PITPNC1: variants seen among roughly 807,000 people sequenced by gnomAD.
PITPNC1 encodes the protein phosphatidylinositol transfer protein cytoplasmic 1.
Under a neutral mutation model 44.7 loss-of-function variants are expected in PITPNC1, and 18 were observed. The ratio of observed to expected loss-of-function variants is 0.40; its 90% CI spans 0.28 to 0.60. The LOEUF (loss-of-function observed/expected upper bound fraction) is 0.60. PITPNC1 is among the 20% of genes least tolerant of loss of function. PITPNC1 has a pLI of 0.39. For synonymous variants in PITPNC1, 141 were observed against 149.6 expected (o/e 0.94, Z 0.42); for missense variants, 290 against 418.4 (o/e 0.69, Z 2.68).
In PITPNC1 at chr17:67,676,081, C is replaced by A. The variant is rs1215805784; in HGVS notation, c.682+539C>A. ...AATTAGCCGGGCATGGTGGCAGGCACCTGTAGTCCCAGCTACTCAGGAGGC... is the reference window on the plus strand; with the variant it reads ...AATTAGCCGGGCATGGTGGCAGGCAACTGTAGTCCCAGCTACTCAGGAGGC... On this transcript the variant is annotated intron_variant, in intron 8 of 8. Coordinates refer to ENST00000581322, the MANE Select transcript of PITPNC1 (RefSeq NM_012417.4). The surrounding 1 kb of genome is among the most constrained non-coding windows in gnomAD (Gnocchi z 4.0). Among the ~76,000 whole-genome samples, 1 of 152,074 alleles carries A rather than the reference C, an allele frequency of 6.6e-6. No homozygotes were observed. The highest frequency in any genetic ancestry group is 1.5e-5 in the Non-Finnish European group (1 of 68,026).
chr17:67,612,672 C>CAGAT (rs1287676041), intron 5 of PITPNC1: 1 of 147,352 alleles, frequency 6.8e-6, no homozygotes, highest in South Asian at 2.2e-4. Context: ...GATGGATGGG[C>CAGAT]GGATGGATGG....
intron 6 of PITPNC1, among the ~76,000 whole-genome samples, chr17:67,652,840 T>C (rs1471403400): frequency 6.7e-6 from 1 of 150,298 alleles, no homozygotes; most frequent in Non-Finnish European, 1.5e-5. Flanking sequence ...ACTCATGTTA[T>C]GGGTTTGTGT....
chr17:67,451,871 C>T (rs1179496673), intron 1 of PITPNC1, among the ~76,000 whole-genome samples: 1 of 151,400 alleles, frequency 6.6e-6, no homozygotes, highest in Admixed American at 6.6e-5. Flanking sequence ...CTCCTGACCT[C>T]GTGATCCGCA....
At chr17:67,507,174 T>C (rs1425623726) in intron 1 of PITPNC1, among the ~76,000 whole-genome samples, 1 of 151,972 alleles carries the variant, frequency 6.6e-6, no homozygotes, top group Non-Finnish European at 1.5e-5. Flanking sequence ...GATGAATACA[T>C]AGAAAGAATG....
At chr17:67,497,306 G>A (rs905485318) in intron 1 of PITPNC1, among the ~76,000 whole-genome samples, 6 of 150,178 alleles carry the variant, frequency 4.0e-5, no homozygotes, top group Non-Finnish European at 7.4e-5. Flanking sequence ...TGCAACCTCC[G>A]ATTCCCCAGC....
chr17:67,629,009 G>A (rs1363709460), intron 5 of PITPNC1, among the ~76,000 whole-genome samples: 1 of 152,162 alleles, frequency 6.6e-6, no homozygotes, highest in Non-Finnish European at 1.5e-5. Context: ...AGGCATAAGG[G>A]CGACTTTGGA....
At chr17:67,647,410 C>A (rs894003863) in intron 6 of PITPNC1, among the ~76,000 whole-genome samples, 1 of 151,168 alleles carries the variant, frequency 6.6e-6, no homozygotes, top group African/African-American at 2.4e-5. Context: ...CCTGCCTTGG[C>A]CCCCTAAGTA....
At chr17:67,529,035 G>T (rs2040426677) in intron 1 of PITPNC1, among the ~76,000 whole-genome samples, 1 of 151,860 alleles carries the variant, frequency 6.6e-6, no homozygotes, top group Non-Finnish European at 1.5e-5. Flanking sequence ...GTCTGGGCTC[G>T]AGTGTCCCGC....
intron 1 of PITPNC1, among the ~76,000 whole-genome samples, chr17:67,448,790 G>C (rs1359187576): frequency 6.6e-6 from 1 of 151,978 alleles, no homozygotes; most frequent in Non-Finnish European, 1.5e-5. Flanking sequence ...TTATTTGTTT[G>C]TTTGTTTGAG....
chr17:67,434,410 A>G (rs1041177061), intron 1 of PITPNC1, among the ~76,000 whole-genome samples: 9 of 151,220 alleles, frequency 6.0e-5, no homozygotes, highest in African/African-American at 2.2e-4. Context: ...CCCCACTCCC[A>G]AGTAGCGTTT....
intron 1 of PITPNC1, among the ~76,000 whole-genome samples, chr17:67,413,192 G>C (rs924188279): frequency 2.0e-5 from 3 of 152,014 alleles, no homozygotes; most frequent in Non-Finnish European, 4.4e-5. Context: ...ACTTGGAGTG[G>C]TAGATCTTGA....
chr17:67,529,227 A>T (rs2144122434), intron 1 of PITPNC1, among the ~76,000 whole-genome samples: 1 of 152,310 alleles, frequency 6.6e-6, no homozygotes, highest in South Asian at 2.1e-4. Context: ...CTGAGCAGGA[A>T]GCACTCGAGC....
At chr17:67,672,274 CAG>C (rs1359994310) in intron 7 of PITPNC1, among the ~76,000 whole-genome samples, 2 of 151,844 alleles carry the variant, frequency 1.3e-5, no homozygotes, top group African/African-American at 4.8e-5. Context: ...TTTAATAAGG[CAG>C]AGTTGTCAGT....
intron 1 of PITPNC1, among the ~76,000 whole-genome samples, chr17:67,513,497 A>ATG (rs2040219364): frequency 6.8e-6 from 1 of 147,758 alleles, no homozygotes; most frequent in Admixed American, 6.8e-5. Context: ...GTGTATATAT[A>ATG]TATATATATA....
At chr17:67,647,668 A>G (rs2042167994) in intron 6 of PITPNC1, among the ~76,000 whole-genome samples, 1 of 151,864 alleles carries the variant, frequency 6.6e-6, no homozygotes, top group Non-Finnish European at 1.5e-5. Flanking sequence ...GAACCCATCT[A>G]CAGACCCTAA....
At chr17:67,683,684 AT>A (rs144076155) in intron 8 of PITPNC1, among the ~76,000 whole-genome samples, 5,888 of 152,178 alleles carry the variant, frequency 0.039, 114 homozygotes, top group Middle Eastern at 0.078. Flanking sequence ...TTTAAAAAAA[AT>A]AATAGGGGAT....
chr17:67,444,695 G>A (rs1199520180), intron 1 of PITPNC1, among the ~76,000 whole-genome samples: 1 of 152,052 alleles, frequency 6.6e-6, no homozygotes, highest in African/African-American at 2.4e-5. Context: ...TCAGGAGTTC[G>A]AGATCAGCCT....
intron 1 of PITPNC1, among the ~76,000 whole-genome samples, chr17:67,531,942 C>G (rs1236767921): frequency 2.0e-5 from 3 of 152,146 alleles, no homozygotes; most frequent in Non-Finnish European, 4.4e-5. Flanking sequence ...TTTGCCACTT[C>G]GAAAGTCCAC....
intron 5 of PITPNC1, among the ~76,000 whole-genome samples, chr17:67,602,261 A>C (rs1226304726): frequency 6.6e-6 from 1 of 151,998 alleles, no homozygotes; most frequent in African/African-American, 2.4e-5. Context: ...TCCAGTGAAG[A>C]CTCTTGGGAA....
Sources: gnomAD v4.1 joint callset for allele counts (sites outside exome capture counted in the v4.1 genomes callset) on GRCh38, gnomAD v4.1.1 for gene constraint, Gnocchi (gnomAD v3.1) non-coding constraint, MANE v1.5 for transcripts, NCBI Gene and HGNC (gene_info 2026-07-23, HGNC 2026-07-21) for gene names.